The following MARCHF1 variants were observed in gnomAD, a reference collection of about 807,000 sequenced individuals.
MARCHF1 encodes membrane associated ring-CH-type finger 1.
Under a neutral mutation model 54.2 loss-of-function variants are expected in MARCHF1, and 40 were observed. The observed-to-expected ratio is 0.74, with a 90% CI of 0.57 to 0.96. MARCHF1 has a LOEUF of 0.96. Ranked by LOEUF, MARCHF1 falls within the 40% of genes least tolerant of loss-of-function variation. The pLI, the probability that MARCHF1 is intolerant of heterozygous loss-of-function variation, is 0.00. For synonymous variants in MARCHF1, 236 were observed against 236.3 expected, an observed-to-expected ratio of 1.00 and a Z score of 0.01; for missense variants, 586 against 656.5, an observed-to-expected ratio of 0.89 and a Z score of 1.17.
In MARCHF1 at chr4:163,934,118, G is replaced by C. The variant is rs191509272; in HGVS notation, c.-39+54383C>G. On this transcript the variant is annotated intron_variant, in intron 3 of 9. Coordinates refer to ENST00000514618, the MANE Select transcript of MARCHF1 (RefSeq NM_001394959.1). Reference sequence around the variant, plus strand: ...ATGCAGATATGTGCACATGTGTGGGGTGTACAGTTTGTCTAGTATTGTTAT... The same window carrying C: ...ATGCAGATATGTGCACATGTGTGGGCTGTACAGTTTGTCTAGTATTGTTAT... Among the ~76,000 whole-genome samples, 6 of 152,278 alleles carry C rather than the reference G, an allele frequency of 3.9e-5. No homozygotes were observed. The East Asian group carries it at 1.2e-3, about 29-fold the overall frequency.
intron 2 of MARCHF1, among the ~76,000 whole-genome samples, chr4:164,069,127 T>G (rs565954825): frequency 3.3e-5 from 5 of 152,294 alleles, no homozygotes; most frequent in Admixed American, 3.3e-4. Context: ...CAACTGACAC[T>G]CTGTATCTAG....
chr4:163,683,820 A>G (rs1458482086), intron 5 of MARCHF1, among the ~76,000 whole-genome samples: 1 of 152,202 alleles, frequency 6.6e-6, no homozygotes, highest in African/African-American at 2.4e-5. Flanking sequence ...CTCAGCAAAG[A>G]TAATCCTTGG....
intron 2 of MARCHF1, among the ~76,000 whole-genome samples, chr4:164,010,060 C>CT (rs1560860251): frequency 9.4e-6 from 1 of 106,562 alleles, no homozygotes; most frequent in East Asian, 3.3e-4. Context: ...CATCAAAAAA[C>CT]TCTTTTTTTT....
intron 4 of MARCHF1, among the ~76,000 whole-genome samples, chr4:163,825,089 G>T (rs79816726): frequency 1.3e-5 from 2 of 151,914 alleles, no homozygotes; most frequent in South Asian, 2.1e-4. Flanking sequence ...CCAGTTTTTT[G>T]ATCCTCTCTC....
At chr4:163,845,575 A>C (rs1045152213) in intron 4 of MARCHF1, among the ~76,000 whole-genome samples, 2 of 151,942 alleles carry the variant, frequency 1.3e-5, no homozygotes, top group African/African-American at 2.4e-5. Context: ...TAAAAAACTA[A>C]AGTGTTCTAA....
intron 2 of MARCHF1, among the ~76,000 whole-genome samples, chr4:164,099,649 A>G (rs1755494493): frequency 6.6e-6 from 1 of 152,186 alleles, no homozygotes; most frequent in African/African-American, 2.4e-5. Context: ...CGAATGTTAA[A>G]ACAAATGAAA....
intron 1 of MARCHF1, among the ~76,000 whole-genome samples, chr4:164,306,027 TCTCA>T (rs1193739477): frequency 1.3e-5 from 2 of 152,214 alleles, no homozygotes; most frequent in African/African-American, 4.8e-5. Context: ...TACGAATAAT[TCTCA>T]CTAATGCACA....
At chr4:164,297,512 A>C (rs1056409966) in intron 1 of MARCHF1, among the ~76,000 whole-genome samples, 8 of 152,170 alleles carry the variant, frequency 5.3e-5, no homozygotes, top group Non-Finnish European at 8.8e-5. Context: ...AGTACTCCTC[A>C]AAGCTGTAAA....
intron 1 of MARCHF1, among the ~76,000 whole-genome samples, chr4:164,303,885 A>G (rs1191550930): frequency 6.6e-6 from 1 of 152,216 alleles, no homozygotes; most frequent in Non-Finnish European, 1.5e-5. Context: ...AGGAAAGAGA[A>G]GTTATAGCCC....
intron 9 of MARCHF1, among the ~76,000 whole-genome samples, chr4:163,529,454 T>C (rs752290804): frequency 4.6e-5 from 7 of 152,028 alleles, no homozygotes; most frequent in Non-Finnish European, 7.4e-5. Context: ...AGATGAGGTA[T>C]AGGTACATGT....
At chr4:163,620,024 CA>C (rs1489863841) in intron 5 of MARCHF1, among the ~76,000 whole-genome samples, 4 of 152,014 alleles carry the variant, frequency 2.6e-5, no homozygotes, top group Non-Finnish European at 1.5e-5. Flanking sequence ...ATATGATAGC[CA>C]AATAGCTAAT....
At chr4:164,233,433 T>C (rs1182235201) in intron 1 of MARCHF1, among the ~76,000 whole-genome samples, 3 of 152,188 alleles carry the variant, frequency 2.0e-5, no homozygotes, top group Non-Finnish European at 4.4e-5. Context: ...GTCTAAGATA[T>C]TGCCACTGAC....
intron 3 of MARCHF1, among the ~76,000 whole-genome samples, chr4:163,889,186 C>T (rs1006630301): frequency 2.0e-5 from 3 of 152,096 alleles, no homozygotes; most frequent in Admixed American, 1.3e-4. Context: ...AAAATAACAA[C>T]TCATATTTAC....
chr4:164,184,607 A>G (rs1477187157), intron 1 of MARCHF1, among the ~76,000 whole-genome samples: 1 of 152,240 alleles, frequency 6.6e-6, no homozygotes, highest in East Asian at 1.9e-4. Flanking sequence ...CATAGAAATT[A>G]GTTGATAAAG....
At chr4:163,741,738 T>C (rs1198221205) in intron 4 of MARCHF1, among the ~76,000 whole-genome samples, 9 of 152,188 alleles carry the variant, frequency 5.9e-5, no homozygotes, top group African/African-American at 2.4e-5. Context: ...TGGCTTGAAA[T>C]AGAGAGGATA....
At chr4:163,564,374 T>A (rs1279970391) in intron 8 of MARCHF1, among the ~76,000 whole-genome samples, 1 of 152,224 alleles carries the variant, frequency 6.6e-6, no homozygotes, top group East Asian at 1.9e-4. Context: ...TAAAATTCTT[T>A]GATTTATTGA....
At chr4:164,062,223 G>A (rs1318628669) in intron 2 of MARCHF1, among the ~76,000 whole-genome samples, 2 of 152,106 alleles carry the variant, frequency 1.3e-5, no homozygotes, top group African/African-American at 2.4e-5. Flanking sequence ...CAGTAATTCA[G>A]TCACATTGAC....
intron 2 of MARCHF1, among the ~76,000 whole-genome samples, chr4:164,020,829 G>A (rs1753646577): frequency 1.3e-5 from 2 of 152,196 alleles, no homozygotes. Flanking sequence ...TACTGCAGAG[G>A]CTGAGGTGGG....
chr4:164,364,014 G>T (rs192035166), intron 1 of MARCHF1, among the ~76,000 whole-genome samples: 1 of 151,896 alleles, frequency 6.6e-6, no homozygotes, highest in Non-Finnish European at 1.5e-5. Flanking sequence ...ATTTTTTGTC[G>T]TCCATTATTT....
Sources: allele counts gnomAD v4.1 joint callset (sites outside exome capture counted in the v4.1 genomes callset), GRCh38; gene constraint gnomAD v4.1.1; transcripts MANE v1.5; gene names NCBI Gene and HGNC (gene_info 2026-07-23, HGNC 2026-07-21).